Variants in NXPE2 observed in about 807,000 individuals in gnomAD.
NXPE2 encodes the protein neurexophilin and PC-esterase domain family member 2.
In NXPE2, 34 loss-of-function variants were observed where a neutral mutation model predicts 34.4. The observed-to-expected ratio is 0.99, with a 90% CI of 0.75 to 1.31. The LOEUF (loss-of-function observed/expected upper bound fraction) is 1.31, where lower values mean the gene tolerates loss of function less well. Among genes scored for constraint, NXPE2 ranks in the 40% most tolerant of loss-of-function variants. The pLI is 0.00. For synonymous variants in NXPE2, 235 were observed against 231.3 expected (o/e 1.02, Z -0.15); for missense variants, 649 against 672.5 (o/e 0.97, Z 0.39).
At chr11:114,624,835 T>C in the NXPE2 span, among the ~76,000 whole-genome samples, 10 of 152,106 alleles carry the variant, frequency 6.6e-5, no homozygotes, top group African/African-American at 2.2e-4. Context: ...GTAACCACTG[T>C]TACCTGGTGG....
At chr11:114,471,140 A>T in the NXPE2 span, among the ~76,000 whole-genome samples, 1 of 152,152 alleles carries the variant, frequency 6.6e-6, no homozygotes, top group Non-Finnish European at 1.5e-5. Context: ...ATTTTCATGA[A>T]GTCCAATTTA....
the NXPE2 span, among the ~76,000 whole-genome samples, chr11:114,738,003 C>T: frequency 6.6e-6 from 1 of 152,186 alleles, no homozygotes; most frequent in African/African-American, 2.4e-5. Context: ...ATGAGAATCG[C>T]TTGAGCCCGG....
intron 2 of NXPE2, among the ~76,000 whole-genome samples, 187 bp from the exon 3 acceptor site, chr11:114,697,858 G>A (rs1029311012): frequency 6.6e-6 from 1 of 152,118 alleles, no homozygotes; most frequent in East Asian, 1.9e-4. Flanking sequence ...CCATCTGCTG[G>A]CAGCAGAGGA....
At chr11:114,548,431 C>G in the NXPE2 span, among the ~76,000 whole-genome samples, 2 of 151,850 alleles carry the variant, frequency 1.3e-5, no homozygotes, top group Non-Finnish European at 2.9e-5. Context: ...TGAAGAAAAC[C>G]TCAATAAATG....
At chr11:114,470,110 G>T in the NXPE2 span, among the ~76,000 whole-genome samples, 1 of 152,072 alleles carries the variant, frequency 6.6e-6, no homozygotes, top group Non-Finnish European at 1.5e-5. Flanking sequence ...TGGACATGTG[G>T]GTTGTTTCTA....
chr11:114,535,699 T>C, the NXPE2 span, among the ~76,000 whole-genome samples: 1 of 152,026 alleles, frequency 6.6e-6, no homozygotes, highest in Non-Finnish European at 1.5e-5. Flanking sequence ...CATTACATAA[T>C]GGTAAAGGAA....
At chr11:114,794,368 T>C in the NXPE2 span, among the ~76,000 whole-genome samples, 18 of 152,312 alleles carry the variant, frequency 1.2e-4, no homozygotes, top group Non-Finnish European at 1.3e-4. Context: ...GTGTGGCCTC[T>C]GGGGACATTT....
the NXPE2 span, among the ~76,000 whole-genome samples, chr11:114,769,811 C>A: frequency 6.6e-6 from 1 of 151,946 alleles, no homozygotes; most frequent in African/African-American, 2.4e-5. Context: ...TGGGGCCTGT[C>A]GGGTTGGGGG....
At chr11:114,745,380 G>C in the NXPE2 span, among the ~76,000 whole-genome samples, 1 of 152,148 alleles carries the variant, frequency 6.6e-6, no homozygotes, top group Non-Finnish European at 1.5e-5. Flanking sequence ...GGAGATGCCA[G>C]GTTATTTTTC....
chr11:114,520,609 C>G, the NXPE2 span, among the ~76,000 whole-genome samples: 3 of 152,150 alleles, frequency 2.0e-5, no homozygotes, highest in Non-Finnish European at 4.4e-5. Flanking sequence ...GTGCTGATTT[C>G]ATTTCCTTTG....
chr11:114,536,544 T>C, the NXPE2 span, among the ~76,000 whole-genome samples: 4 of 151,468 alleles, frequency 2.6e-5, no homozygotes, highest in Admixed American at 6.6e-5. Context: ...GCAAGACTAA[T>C]AAAGAAGAAA....
chr11:114,475,579 T>C, the NXPE2 span, among the ~76,000 whole-genome samples: 1 of 152,150 alleles, frequency 6.6e-6, no homozygotes. Context: ...CTAGGGCATC[T>C]TCATCCTTTT....
the NXPE2 span, among the ~76,000 whole-genome samples, chr11:114,604,389 C>CTGTTACATGATG: frequency 1.2e-3 from 188 of 152,104 alleles, no homozygotes; most frequent in African/African-American, 4.3e-3. Context: ...TGGGTAACCA[C>CTGTTACATGATG]TGTTACATGA....
the NXPE2 span, among the ~76,000 whole-genome samples, chr11:114,607,546 TAAG>T: frequency 1.3e-5 from 2 of 152,058 alleles, no homozygotes; most frequent in Non-Finnish European, 1.5e-5. Flanking sequence ...CGGTAGATAA[TAAG>T]TATTGCCTCG....
chr11:114,472,828 CAT>C, the NXPE2 span, among the ~76,000 whole-genome samples: 2 of 152,170 alleles, frequency 1.3e-5, no homozygotes, highest in Non-Finnish European at 2.9e-5. Context: ...TCATGGCAAA[CAT>C]ATGGGTTCAT....
At chr11:114,749,246 T>C in the NXPE2 span, among the ~76,000 whole-genome samples, 1 of 152,248 alleles carries the variant, frequency 6.6e-6, no homozygotes, top group South Asian at 2.1e-4. Flanking sequence ...TATGCATATA[T>C]ATTTACATCT....
chr11:114,520,336 TGA>T, the NXPE2 span, among the ~76,000 whole-genome samples: 1 of 152,190 alleles, frequency 6.6e-6, no homozygotes, highest in Non-Finnish European at 1.5e-5. Flanking sequence ...CATATATAAG[TGA>T]GATCAAGCAA....
chr11:114,564,596 AG>A, the NXPE2 span, among the ~76,000 whole-genome samples: 3 of 152,188 alleles, frequency 2.0e-5, no homozygotes, highest in African/African-American at 7.2e-5. Context: ...GTGCACAGAG[AG>A]GGGGTGGTTG....
At chr11:114,737,401 A>C in the NXPE2 span, among the ~76,000 whole-genome samples, 1 of 152,202 alleles carries the variant, frequency 6.6e-6, no homozygotes, top group Non-Finnish European at 1.5e-5. Flanking sequence ...TTAAAAAAGA[A>C]ACAGCAATAC....
Sources: allele counts gnomAD v4.1 joint callset (sites outside exome capture counted in the v4.1 genomes callset), GRCh38; gene constraint gnomAD v4.1.1; transcripts MANE v1.5; gene names NCBI Gene and HGNC (gene_info 2026-07-23, HGNC 2026-07-21).